The following ZFR variants were observed in gnomAD, a reference collection of about 807,000 sequenced individuals.
The protein encoded by ZFR is zinc finger RNA binding protein, also known as zinc finger RNA-binding protein.
Under a neutral mutation model 130.7 loss-of-function variants are expected in ZFR, and 19 were observed. The ratio of observed to expected loss-of-function variants is 0.15; its 90% CI spans 0.10 to 0.21. The LOEUF (loss-of-function observed/expected upper bound fraction) is 0.21. Among genes scored for constraint, ZFR ranks in the 10% least tolerant of loss-of-function variants. The probability of loss-of-function intolerance (pLI) is 1.00; values close to 1 mark genes in which losing one functional copy is unlikely to be tolerated. For missense variants in ZFR, 872 were observed against 1,321.5 expected (o/e 0.66, Z 5.27); for synonymous variants, 466 against 456.9 (o/e 1.02, Z -0.25).
chr5:32,419,553 G>A (rs1753907071), intron 3 of ZFR, among the ~76,000 whole-genome samples: 1 of 152,246 alleles, frequency 6.6e-6, no homozygotes. Context: ...GGACACGCTG[G>A]TCTTGAACTC....
intron 17 of ZFR, among the ~76,000 whole-genome samples, chr5:32,371,815 ATAAAAGAAAAAATAAAGG>A (rs1211291438): frequency 6.6e-6 from 1 of 152,148 alleles, no homozygotes; most frequent in African/African-American, 2.4e-5. Context: ...TAAAATGCAG[ATAAAAGAAAAAATAAAGG>A]TAAGATCTTC....
At chr5:32,410,389 G>C (rs1753678299) in intron 5 of ZFR, among the ~76,000 whole-genome samples, 1 of 149,454 alleles carries the variant, frequency 6.7e-6, no homozygotes, top group South Asian at 2.1e-4. Context: ...TGGGCAGATT[G>C]CTTGAGCTCA....
intron 17 of ZFR, among the ~76,000 whole-genome samples, chr5:32,376,354 CAA>C (rs1170988263): frequency 1.3e-5 from 2 of 151,726 alleles, no homozygotes; most frequent in African/African-American, 4.8e-5. Context: ...AGCTCTAAAA[CAA>C]AGGAGATGTG....
At chr5:32,382,697 C>G (rs1023397355) in intron 15 of ZFR, among the ~76,000 whole-genome samples, 1 of 152,040 alleles carries the variant, frequency 6.6e-6, no homozygotes, top group Non-Finnish European at 1.5e-5. Context: ...GCAACCTACA[C>G]CTTCTGGGTT....
intron 8 of ZFR, among the ~76,000 whole-genome samples, chr5:32,400,857 G>A (rs777092548): frequency 6.6e-6 from 1 of 152,066 alleles, no homozygotes; most frequent in Non-Finnish European, 1.5e-5. Context: ...CAAAAAAGTT[G>A]GGGGTAACAT....
At chr5:32,440,942 C>T (rs1165471902) in intron 2 of ZFR, among the ~76,000 whole-genome samples, 1 of 152,068 alleles carries the variant, frequency 6.6e-6, no homozygotes, top group Non-Finnish European at 1.5e-5. Context: ...TCTTACAGAA[C>T]TGTAATCAAG....
At chr5:32,358,510 AT>A (rs1752361630) in intron 19 of ZFR, among the ~76,000 whole-genome samples, 1 of 152,102 alleles carries the variant, frequency 6.6e-6, no homozygotes, top group South Asian at 2.1e-4. Context: ...AATACAAAAA[AT>A]TAGCCGGGCT....
At chr5:32,404,149 T>A in intron 6 of ZFR, 52 bp from the exon 7 acceptor site, 2 of 1,462,876 alleles carry the variant, frequency 1.4e-6, no homozygotes, top group Non-Finnish European at 1.9e-6. Context: ...CTTTACACAT[T>A]AAGATTATTC....
chr5:32,406,767 TAAG>T lies in ZFR; in HGVS notation c.1032+4_1032+6del, dbSNP rs777843300. The T allele has an allele frequency of 1.2e-6, 2 of 1,606,200 alleles. No individual in the cohort carries two copies. The highest frequency in any genetic ancestry group is 1.7e-6 in the Non-Finnish European group (2 of 1,178,152). Reference sequence around the variant, plus strand: ...AAGACTCAAGGTAAAACATACAACGTAAGTACCTGTGGTCCAGCACAGCTGATC... The same window carrying T: ...AAGACTCAAGGTAAAACATACAACGTTACCTGTGGTCCAGCACAGCTGATC... On this transcript the variant is annotated splice_donor_5th_base_variant and intron_variant, in intron 6 of 19. Coordinates refer to ENST00000265069, the MANE Select transcript of ZFR (RefSeq NM_016107.5).
intron 17 of ZFR, among the ~76,000 whole-genome samples, chr5:32,375,350 A>G (rs1752778434): frequency 1.3e-5 from 2 of 152,258 alleles, no homozygotes; most frequent in African/African-American, 4.8e-5. Flanking sequence ...GTCATGCTTA[A>G]TACAGTTTAT....
intron 16 of ZFR, chr5:32,379,470 G>A (rs2111707078): frequency 3.0e-6 from 1 of 330,180 alleles, no homozygotes; most frequent in Non-Finnish European, 5.4e-6. Flanking sequence ...CTTGACCTGT[G>A]TTCATTTAAA....
chr5:32,377,030 G>A (rs1457742484), intron 17 of ZFR, among the ~76,000 whole-genome samples: 1 of 149,438 alleles, frequency 6.7e-6, no homozygotes, highest in Non-Finnish European at 1.5e-5. Flanking sequence ...GGTGGCAGGC[G>A]CCTGTAGTCC....
At chr5:32,379,963 A>T in intron 16 of ZFR, 112 bp downstream of exon 16, 1 of 746,570 alleles carries the variant, frequency 1.3e-6, no homozygotes, top group Non-Finnish European at 2.1e-6. Context: ...TATTTAATTT[A>T]AAATAGTATT....
At chr5:32,386,138 C>T (rs116621749) in intron 14 of ZFR, among the ~76,000 whole-genome samples, 2,557 of 152,106 alleles carry the variant, frequency 0.017, 37 homozygotes, top group Non-Finnish European at 0.026. Flanking sequence ...CCATTTTATA[C>T]GAACAAATGA....
intron 17 of ZFR, among the ~76,000 whole-genome samples, chr5:32,365,887 C>A (rs1310690076): frequency 1.3e-5 from 2 of 152,136 alleles, no homozygotes; most frequent in Non-Finnish European, 1.5e-5. Context: ...GGCATCACAG[C>A]AACAGCCCCT....
At chr5:32,431,685 G>GA (rs1754220480) in intron 2 of ZFR, among the ~76,000 whole-genome samples, 2 of 150,972 alleles carry the variant, frequency 1.3e-5, no homozygotes, top group Admixed American at 1.3e-4. Flanking sequence ...CAACAGTGTT[G>GA]GACTTTTCTA....
At chr5:32,406,712 T>TC in intron 6 of ZFR, 62 bp downstream of exon 6, 2 of 1,543,604 alleles carry the variant, frequency 1.3e-6, no homozygotes, top group South Asian at 2.5e-5. Flanking sequence ...GCTCAGGAGT[T>TC]AGAATACCAA....
intron 15 of ZFR, among the ~76,000 whole-genome samples, chr5:32,383,212 C>T (rs1000315190): frequency 5.3e-5 from 8 of 152,170 alleles, no homozygotes; most frequent in Non-Finnish European, 1.0e-4. Context: ...AAATGCCAGG[C>T]TCTGCATCCA....
Position 32,403,891 on chromosome 5 carries a change from GA to G in ZFR, c.1224+14del, listed in dbSNP as rs767945856. On this transcript the variant is annotated intron_variant, in intron 7 of 19. Transcript: ENST00000265069. ...AGAATCAAGGCATAAGGGTGTGTGG[GA>G]AAAAAACACCTACTTTCTGATGCTT... 6.4e-7 allele frequency: 1 copy of G among 1,556,988 alleles called. No individual in the cohort carries two copies. The highest frequency in any genetic ancestry group is 8.7e-7 in the Non-Finnish European group (1 of 1,149,360).
Sources: gnomAD v4.1 joint callset for allele counts (sites outside exome capture counted in the v4.1 genomes callset) on GRCh38, gnomAD v4.1.1 for gene constraint, MANE v1.5 for transcripts, NCBI Gene and HGNC (gene_info 2026-07-23, HGNC 2026-07-21) for gene names.